The following CLIC2 variants were observed in gnomAD, a reference collection of about 807,000 sequenced individuals.
The protein encoded by CLIC2 is chloride intracellular channel protein 2.
In CLIC2, 9 loss-of-function variants were observed where a neutral mutation model predicts 14.8. That is an observed-to-expected ratio of 0.61 (90% CI 0.37 to 1.06). CLIC2 has a LOEUF of 1.06. Among genes scored for constraint, CLIC2 ranks in the 50% least tolerant of loss-of-function variants. The probability of loss-of-function intolerance (pLI) is 0.01; values close to 1 mark genes in which losing one functional copy is unlikely to be tolerated. For synonymous variants in CLIC2, 61 were observed against 66.3 expected, an observed-to-expected ratio of 0.92 and a Z score of 0.39; for missense variants, 148 against 181.4, an observed-to-expected ratio of 0.82 and a Z score of 1.06.
At chrX:155,307,870 C>T (rs782755624) in intron 1 of CLIC2, among the ~76,000 whole-genome samples, 75 of 111,512 alleles carry the variant, frequency 6.7e-4, no homozygotes, top group Non-Finnish European at 1.1e-3. Flanking sequence ...GAGTGAGACT[C>T]TGTCTTAAAA....
At chrX:155,326,900 A>C (rs781891156) in intron 1 of CLIC2, among the ~76,000 whole-genome samples, 2 of 111,823 alleles carry the variant, frequency 1.8e-5, no homozygotes, top group South Asian at 7.4e-4. Flanking sequence ...TTATCAAAGC[A>C]GAAAAGAGAT....
In CLIC2 at chrX:155,277,763, G is replaced by A. The variant is rs1297367252; in HGVS notation, c.*140C>T. ...GTGGACAGATTATTTATGGCTAATAGAAAATACAGAGTTCCTTTTCATAAG... is the reference window on the plus strand; with the variant it reads ...GTGGACAGATTATTTATGGCTAATAAAAAATACAGAGTTCCTTTTCATAAG... On this transcript the variant is annotated 3_prime_UTR_variant, in exon 6 of 6. Transcript: ENST00000369449. The A allele has an allele frequency of 1.9e-6, 1 of 523,546 alleles. No individual in the cohort carries two copies. The highest frequency in any genetic ancestry group is 2.4e-5 in the African/African-American group (1 of 42,309). 43.1% of individuals were successfully genotyped at this position (523,546 alleles called of 1,213,427 possible).
At chrX:155,329,446 C>T (rs191195182) in intron 1 of CLIC2, among the ~76,000 whole-genome samples, 7 of 105,080 alleles carry the variant, frequency 6.7e-5, no homozygotes, top group South Asian at 4.9e-4. Context: ...AAAGTAAATG[C>T]GGTTTTGCCA....
intron 1 of CLIC2, among the ~76,000 whole-genome samples, chrX:155,318,587 T>C (rs1188185591): frequency 1.8e-5 from 2 of 111,907 alleles, no homozygotes; most frequent in African/African-American, 6.5e-5. Context: ...TGGAAATACA[T>C]CCCATGCTCA....
At chrX:155,304,226 C>G (rs1219770898) in intron 1 of CLIC2, among the ~76,000 whole-genome samples, 67 of 105,000 alleles carry the variant, frequency 6.4e-4, no homozygotes, top group African/African-American at 2.2e-3. Flanking sequence ...ACCAATCAGA[C>G]GTAGATTTGG....
At chrX:155,293,925 A>G (rs1225286817) in intron 3 of CLIC2, among the ~76,000 whole-genome samples, 2 of 112,167 alleles carry the variant, frequency 1.8e-5, no homozygotes, top group Admixed American at 9.5e-5. Flanking sequence ...ACATTACTAG[A>G]TCTAAAGGTA....
At chrX:155,301,559 A>G (rs1372376915) in intron 1 of CLIC2, among the ~76,000 whole-genome samples, 2 of 95,231 alleles carry the variant, frequency 2.1e-5, no homozygotes, top group African/African-American at 7.4e-5. Flanking sequence ...TCCTAATTGA[A>G]TACCCTTTAT....
At chrX:155,329,116 C>G (rs1408562582) in intron 1 of CLIC2, among the ~76,000 whole-genome samples, 2 of 110,563 alleles carry the variant, frequency 1.8e-5, no homozygotes, top group Non-Finnish European at 3.8e-5. Flanking sequence ...GGGATCACAT[C>G]AAGTTAACAA....
Position 155,293,391 on chromosome X carries a change from C to T in CLIC2, c.293+5394G>A, listed in dbSNP as rs782804834. The T allele has an allele frequency of 7.3e-5, 70 of 957,411 alleles. No individual in the cohort carries two copies. The African/African-American group carries it at 1.3e-3, about 17-fold the overall frequency. 78.9% of individuals were successfully genotyped at this position (957,411 alleles called of 1,213,427 possible). ...GAAAGGCTGAATCACTTATACACTG[C>T]TCCCAGTGTGAGAATAGTGGCCATC... is the stretch of plus-strand genomic sequence containing the variant. On this transcript the variant is annotated intron_variant, in intron 3 of 5. Transcript: ENST00000369449.
At chrX:155,299,731 C>T (rs1557318806) in intron 1 of CLIC2, among the ~76,000 whole-genome samples, 3 of 74,444 alleles carry the variant, frequency 4.0e-5, no homozygotes. Context: ...CCCCCCTCCC[C>T]CCACCCCACA....
intron 1 of CLIC2, among the ~76,000 whole-genome samples, chrX:155,301,226 C>T (rs1473402444): frequency 5.9e-5 from 6 of 102,471 alleles, no homozygotes; most frequent in Non-Finnish European, 1.2e-4. Flanking sequence ...AATGTTCTTC[C>T]ATTTGTTTGT....
At chrX:155,296,829 A>T (rs1424445742) in intron 3 of CLIC2, among the ~76,000 whole-genome samples, 2 of 111,651 alleles carry the variant, frequency 1.8e-5, no homozygotes, top group Non-Finnish European at 3.8e-5. Context: ...GTTGGCAAGG[A>T]TGTGGAGAAA....
intron 1 of CLIC2, among the ~76,000 whole-genome samples, chrX:155,323,342 T>C (rs2075124207): frequency 8.9e-6 from 1 of 112,208 alleles, no homozygotes; most frequent in Non-Finnish European, 1.9e-5. Context: ...CATGATCAAG[T>C]TGGCTTCATC....
intron 3 of CLIC2, chrX:155,292,102 T>C (rs2074968937): frequency 1.8e-6 from 1 of 565,396 alleles, no homozygotes; most frequent in Non-Finnish European, 3.3e-6. Flanking sequence ...ATCTTGGCTT[T>C]AGTTACTATC....
intron 3 of CLIC2, chrX:155,292,089 A>G (rs1348708471): frequency 5.3e-6 from 3 of 563,942 alleles, no homozygotes; most frequent in East Asian, 6.5e-5. Flanking sequence ...ACTTCAAGTC[A>G]AGATCTTGGC....
intron 1 of CLIC2, among the ~76,000 whole-genome samples, chrX:155,315,276 AC>A (rs1222053775): frequency 8.9e-6 from 1 of 112,243 alleles, no homozygotes; most frequent in Non-Finnish European, 1.9e-5. Context: ...AAAATTTATC[AC>A]AAAAAGATAA....
intron 1 of CLIC2, among the ~76,000 whole-genome samples, chrX:155,314,216 C>T (rs1210242937): frequency 9.0e-6 from 1 of 111,072 alleles, no homozygotes; most frequent in African/African-American, 3.3e-5. Flanking sequence ...TGCTTCCTCC[C>T]TAGACTACTA....
chrX:155,307,102 A>C (rs953669412), intron 1 of CLIC2, among the ~76,000 whole-genome samples: 2 of 111,781 alleles, frequency 1.8e-5, no homozygotes, highest in African/African-American at 3.3e-5. Flanking sequence ...ATATACATAT[A>C]TATATACACA....
rs1198403407 is a variant in CLIC2, at chrX:155,291,306, A to G, written c.293+7479T>C. ...TCAATAGATATTTTCAGAGGTCTGT[A>G]CTTTCCATTTCTGGCTCTGGCAAGA... On this transcript the variant is annotated intron_variant, in intron 3 of 5. Transcript: ENST00000369449. 8 of 900,699 alleles carry G rather than the reference A, an allele frequency of 8.9e-6. No homozygotes were observed. In the African/African-American group the frequency reaches 1.6e-4, roughly 18 times the overall value. The allele number at this position is 900,699 out of a possible 1,213,427, so 74.2% of individuals were successfully genotyped here.
Sources: allele counts gnomAD v4.1 joint callset (sites outside exome capture counted in the v4.1 genomes callset), GRCh38; gene constraint gnomAD v4.1.1; transcripts MANE v1.5; gene names NCBI Gene and HGNC (gene_info 2026-07-23, HGNC 2026-07-21).